Variants in ACOXL observed in about 807,000 individuals in gnomAD.
ACOXL encodes acyl-CoA oxidase like.
In ACOXL, 70 loss-of-function variants were observed where a neutral mutation model predicts 71.9. The ratio of observed to expected loss-of-function variants is 0.97; its 90% confidence interval spans 0.80 to 1.19. The LOEUF (loss-of-function observed/expected upper bound fraction) is 1.19, where lower values mean the gene tolerates loss of function less well. Ranked by LOEUF, ACOXL falls within the 50% of genes most tolerant of loss-of-function variation. The pLI is 0.00. For missense variants in ACOXL, 703 were observed against 736.3 expected (o/e 0.95, Z 0.52); for synonymous variants, 253 against 281.6 (o/e 0.90, Z 1.02).
At chr2:110,810,806 A>G (rs910361665) in intron 9 of ACOXL, among the ~76,000 whole-genome samples, 4 of 152,238 alleles carry the variant, frequency 2.6e-5, no homozygotes, top group Non-Finnish European at 5.9e-5. Flanking sequence ...CATACCTGAC[A>G]CTGGTTAATT....
At chr2:110,976,624 A>G (rs2062457084) in intron 12 of ACOXL, among the ~76,000 whole-genome samples, 1 of 152,226 alleles carries the variant, frequency 6.6e-6, no homozygotes, top group African/African-American at 2.4e-5. Context: ...AGCTAACCCA[A>G]GTGGAGTATG....
At chr2:110,820,110 A>C (rs1688425398) in intron 9 of ACOXL, among the ~76,000 whole-genome samples, 1 of 152,136 alleles carries the variant, frequency 6.6e-6, no homozygotes. Flanking sequence ...CCTAGTCAGT[A>C]AGAGGCAGAT....
At chr2:111,049,109 C>T (rs1006456716) in intron 15 of ACOXL, 109 bp from the exon 16 acceptor site, 8 of 879,282 alleles carry the variant, frequency 9.1e-6, no homozygotes, top group East Asian at 2.6e-5. Flanking sequence ...CAAGGAAGGA[C>T]GGACAGCATG....
chr2:111,086,244 G>A (rs1000888392), intron 16 of ACOXL, among the ~76,000 whole-genome samples: 1 of 152,126 alleles, frequency 6.6e-6, no homozygotes, highest in Non-Finnish European at 1.5e-5. Context: ...CCAAAGCCTG[G>A]CAGGGACACA....
rs775248091 is a variant in ACOXL at position 110,866,634 on chromosome 2, G to T, written c.788+25229G>T. Among the ~76,000 whole-genome samples, 3 of 152,204 alleles carry T rather than the reference G, an allele frequency of 2.0e-5. No homozygotes were observed. The East Asian group carries it at 5.8e-4, about 29-fold the overall frequency. On this transcript the variant is annotated intron_variant, in intron 10 of 17. Coordinates refer to ENST00000439055, the MANE Select transcript of ACOXL (RefSeq NM_001142807.4). ...AGTGGAGGGAGCCAGGGGCAGAGTC[G>T]TGGCTTTGCTTTGGGTGACTCAAGC...
At chr2:111,034,692 G>T (rs2065426600) in intron 15 of ACOXL, among the ~76,000 whole-genome samples, 1 of 152,144 alleles carries the variant, frequency 6.6e-6, no homozygotes, top group Non-Finnish European at 1.5e-5. Flanking sequence ...GTACAGAACG[G>T]GTCCTAAAGA....
chr2:110,738,457 G>A (rs1677138091), intron 1 of ACOXL, among the ~76,000 whole-genome samples: 1 of 152,138 alleles, frequency 6.6e-6, no homozygotes, highest in African/African-American at 2.4e-5. Context: ...CTGTTCAATT[G>A]ACTGAAAGTT....
At chr2:111,041,304 G>T (rs2065769816) in intron 15 of ACOXL, among the ~76,000 whole-genome samples, 1 of 152,180 alleles carries the variant, frequency 6.6e-6, no homozygotes, top group Non-Finnish European at 1.5e-5. Context: ...TGGAAAACAG[G>T]ATCAATGCCA....
At chr2:111,115,840 T>C (rs1260857236) in intron 17 of ACOXL, among the ~76,000 whole-genome samples, 1 of 152,232 alleles carries the variant, frequency 6.6e-6, no homozygotes, top group East Asian at 1.9e-4. Context: ...CCCTGAACAC[T>C]TATGAGTGAA....
At chr2:110,927,642 C>G (rs1361585224) in intron 11 of ACOXL, among the ~76,000 whole-genome samples, 1 of 152,220 alleles carries the variant, frequency 6.6e-6, no homozygotes, top group African/African-American at 2.4e-5. Flanking sequence ...AGCCTGGGCC[C>G]ATCTTGTCAT....
intron 11 of ACOXL, among the ~76,000 whole-genome samples, chr2:110,913,408 A>G (rs1000942736): frequency 2.6e-5 from 4 of 152,222 alleles, no homozygotes; most frequent in African/African-American, 9.6e-5. Flanking sequence ...CACAAAGTGG[A>G]ATATTATTTG....
intron 16 of ACOXL, among the ~76,000 whole-genome samples, chr2:111,066,054 T>C (rs535244137): frequency 6.6e-6 from 1 of 152,344 alleles, no homozygotes; most frequent in East Asian, 1.9e-4. Context: ...TGAAAACTTG[T>C]GTTCACACAA....
chr2:110,904,850 T>A (rs1373181880), intron 10 of ACOXL, among the ~76,000 whole-genome samples: 1 of 152,166 alleles, frequency 6.6e-6, no homozygotes, highest in African/African-American at 2.4e-5. Flanking sequence ...TGTCCTGAGT[T>A]GTCTGGTACC....
intron 15 of ACOXL, among the ~76,000 whole-genome samples, chr2:111,035,449 G>A (rs757505230): frequency 3.3e-5 from 5 of 152,160 alleles, no homozygotes; most frequent in East Asian, 1.9e-4. Context: ...CCCTAAGGGT[G>A]TACCAATTCC....
intron 14 of ACOXL, among the ~76,000 whole-genome samples, chr2:111,021,321 C>G (rs2064748464): frequency 1.3e-5 from 2 of 152,194 alleles, no homozygotes; most frequent in Non-Finnish European, 2.9e-5. Flanking sequence ...TTCTCTTTCT[C>G]CGTGGGAAAC....
chr2:110,822,421 C>T (rs767026868), intron 9 of ACOXL, among the ~76,000 whole-genome samples: 13 of 152,096 alleles, frequency 8.5e-5, no homozygotes, highest in Admixed American at 3.3e-4. Flanking sequence ...CCAGCCTTCA[C>T]GTATGCCGGT....
chr2:111,068,047 A>G (rs945363316), intron 16 of ACOXL, among the ~76,000 whole-genome samples: 2 of 152,074 alleles, frequency 1.3e-5, no homozygotes, highest in East Asian at 1.9e-4. Flanking sequence ...CCTAAAAAAT[A>G]CCCCACAAAT....
chr2:110,999,576 A>T (rs192847342), intron 14 of ACOXL, among the ~76,000 whole-genome samples: 39 of 152,280 alleles, frequency 2.6e-4, no homozygotes, highest in African/African-American at 6.7e-4. Flanking sequence ...TGTCTTCTCC[A>T]TGCTGTACCA....
rs2067134859 is a variant in ACOXL, at chr2:111,067,591, A to C, written c.1440+18303A>C. Among the ~76,000 whole-genome samples the C allele has an allele frequency of 2.6e-5, 4 of 152,216 alleles. No homozygotes were observed. The South Asian group carries it at 8.3e-4, about 31-fold the overall frequency. ...GAAACAAAAAAGTGGAGATAAATAC[A>C]GGTACCTAGAGACTAATAAGTAATA... On this transcript the variant is annotated intron_variant, in intron 16 of 17. Coordinates refer to ENST00000439055, the MANE Select transcript of ACOXL (RefSeq NM_001142807.4).
Sources: allele counts gnomAD v4.1 joint callset (sites outside exome capture counted in the v4.1 genomes callset), GRCh38; gene constraint gnomAD v4.1.1; transcripts MANE v1.5; gene names NCBI Gene and HGNC (gene_info 2026-07-23, HGNC 2026-07-21).